EXOC6: variants seen among roughly 807,000 people sequenced by gnomAD.
The protein encoded by EXOC6 is exocyst complex component 6, also known as SEC15-like 1.
Under a neutral mutation model 112.5 loss-of-function variants are expected in EXOC6, and 60 were observed. The observed-to-expected ratio is 0.53, with a 90% confidence interval of 0.43 to 0.66. The LOEUF is 0.66. Ranked by LOEUF, EXOC6 falls within the 30% of genes least tolerant of loss-of-function variation. The probability of loss-of-function intolerance (pLI) is 0.00; values close to 1 mark genes in which losing one functional copy is unlikely to be tolerated. For synonymous variants in EXOC6, 295 were observed against 308.0 expected (o/e 0.96, Z 0.44); for missense variants, 855 against 957.1 (o/e 0.89, Z 1.41).
At chr10:92,958,642 A>G (rs1167902597) in intron 17 of EXOC6, among the ~76,000 whole-genome samples, 1 of 152,214 alleles carries the variant, frequency 6.6e-6, no homozygotes, top group Non-Finnish European at 1.5e-5. Context: ...TACAGATTTA[A>G]TGTATTCCCC....
intron 18 of EXOC6, among the ~76,000 whole-genome samples, chr10:92,985,853 T>C (rs909030800): frequency 6.6e-6 from 1 of 152,176 alleles, no homozygotes; most frequent in African/African-American, 2.4e-5. Flanking sequence ...TTAATAACCC[T>C]TTATTTTATG....
rs574994312 is a variant in EXOC6, at chr10:92,999,724, G to A, written c.2095+2109G>A. 1.6e-3 allele frequency among the ~76,000 whole-genome samples: 217 copies of A among 133,426 alleles called. 1 individual carries two copies. The highest frequency in any genetic ancestry group is 1.8e-3 in the Non-Finnish European group (115 of 63,688). 87.5% of individuals were successfully genotyped at this position (133,426 alleles called of 152,430 possible). A position where few individuals can be genotyped will look rare whatever the true frequency, so the allele number is the denominator to read the frequency against. On this transcript the variant is annotated intron_variant, in intron 19 of 21. Coordinates refer to ENST00000260762, the MANE Select transcript of EXOC6 (RefSeq NM_019053.6). ...TGTGCCTAATTTTTTTTTTTTTTGA[G>A]GCAGGGTCTCGCTGTGTCTCCCAGG...
At chr10:92,949,594 CTTTT>C (rs35310204) in intron 14 of EXOC6, among the ~76,000 whole-genome samples, 1 of 129,348 alleles carries the variant, frequency 7.7e-6, no homozygotes, top group Non-Finnish European at 1.7e-5. Context: ...CTGCTTGTGG[CTTTT>C]TTTTTTTTTT....
chr10:92,927,441 A>G (rs1851784346), intron 8 of EXOC6, among the ~76,000 whole-genome samples: 1 of 152,248 alleles, frequency 6.6e-6, no homozygotes, highest in Non-Finnish European at 1.5e-5. Context: ...TGTGGACCAT[A>G]TTCTAATAGA....
At chr10:92,827,521 A>G (rs1408144593) in intron 1 of EXOC6, among the ~76,000 whole-genome samples, 1 of 138,504 alleles carries the variant, frequency 7.2e-6, no homozygotes, top group Non-Finnish European at 1.6e-5. Flanking sequence ...CATGTTGAGT[A>G]TAATGGAGAG....
At chr10:92,891,084 G>A (rs1317933447) in intron 1 of EXOC6, among the ~76,000 whole-genome samples, 1 of 152,198 alleles carries the variant, frequency 6.6e-6, no homozygotes, top group Non-Finnish European at 1.5e-5. Flanking sequence ...GCTGGAGAAG[G>A]AGAATAGTCA....
intron 4 of EXOC6, among the ~76,000 whole-genome samples, chr10:92,896,179 ATATTTTTTTT>A (rs1849806803): frequency 5.4e-4 from 7 of 13,072 alleles, no homozygotes; most frequent in African/African-American, 1.7e-3. Context: ...ATATATATAT[ATATTTTTTTT>A]TTTTTTTTTT....
At chr10:93,040,058 A>G (rs908157678) in intron 20 of EXOC6, among the ~76,000 whole-genome samples, 1 of 152,072 alleles carries the variant, frequency 6.6e-6, no homozygotes, top group Non-Finnish European at 1.5e-5. Flanking sequence ...TTCCATCTCT[A>G]TCACCATCAA....
chr10:92,896,119 A>ATGTGTGTGTGTG lies in EXOC6; in HGVS notation c.412+1107_412+1118dup, dbSNP rs1198813076. 4.6e-4 allele frequency among the ~76,000 whole-genome samples: 10 copies of ATGTGTGTGTGTG among 21,706 alleles called. 1 individual carries two copies. The highest frequency in any genetic ancestry group is 3.3e-3 in the African/African-American group (10 of 3,058). 14.2% of individuals were successfully genotyped at this position (21,706 alleles called of 152,430 possible). On this transcript the variant is annotated intron_variant, in intron 4 of 21. Transcript: ENST00000260762. Reference sequence around the variant, plus strand: ...TGTGTGTATATATATGTGTATATATATGTGTGTGTGTGTGTGTGTATGTAT... The same window carrying ATGTGTGTGTGTG: ...TGTGTGTATATATATGTGTATATATATGTGTGTGTGTGTGTGTGTGTGTGTGTGTGTATGTAT...
chr10:93,018,197 A>G (rs1013552345), intron 20 of EXOC6, among the ~76,000 whole-genome samples: 1 of 152,100 alleles, frequency 6.6e-6, no homozygotes, highest in South Asian at 2.1e-4. Flanking sequence ...CAAACCAGTT[A>G]TAAAAAAAAG....
intron 19 of EXOC6, among the ~76,000 whole-genome samples, chr10:93,005,338 T>C (rs938677320): frequency 2.0e-5 from 3 of 152,188 alleles, no homozygotes; most frequent in Non-Finnish European, 4.4e-5. Context: ...CATTGAACCT[T>C]TGATCTTAGT....
At chr10:92,946,295 C>CA (rs1432946687) in intron 13 of EXOC6, among the ~76,000 whole-genome samples, 4 of 150,338 alleles carry the variant, frequency 2.7e-5, no homozygotes, top group Non-Finnish European at 3.0e-5. Flanking sequence ...GACTCCGTCT[C>CA]AAAAAAAAGA....
rs140029106 is a variant in EXOC6, at chr10:93,039,308, C to G, written c.2170-17616C>G. Among the ~76,000 whole-genome samples the G allele has an allele frequency of 2.5e-3, 385 of 152,250 alleles. 4 individuals are homozygous for G. Among genetic ancestry groups the G allele is most frequent in the African/African-American group, 8.3e-3 (345 of 41,546 alleles). On this transcript the variant is annotated intron_variant, in intron 20 of 21. Coordinates refer to ENST00000260762, the MANE Select transcript of EXOC6 (RefSeq NM_019053.6). ...CTAGAGTATTTTGCAATGTATATTTCTCTCCTTTTCTTTGAACCCATTTGT... is the reference window on the plus strand; with the variant it reads ...CTAGAGTATTTTGCAATGTATATTTGTCTCCTTTTCTTTGAACCCATTTGT...
chr10:92,926,992 A>G (rs1851760705), intron 8 of EXOC6, among the ~76,000 whole-genome samples: 1 of 152,192 alleles, frequency 6.6e-6, no homozygotes, highest in Non-Finnish European at 1.5e-5. Context: ...TGTGGGGGAC[A>G]TTATAGCTTA....
rs544335179 is a variant in EXOC6 at position 92,935,809 on chromosome 10, C to T, written c.1141-5C>T. ...TTTGTTTTGTTTGTGTGTTTCCACC[C>T]TCAGTCCTATTGCACTGATCCTGAT... On this transcript the variant is annotated splice_region_variant and splice_polypyrimidine_tract_variant and intron_variant, in intron 11 of 21. Transcript: ENST00000260762. The T allele has an allele frequency of 3.1e-5, 49 of 1,597,578 alleles. No individual in the cohort carries two copies. In the South Asian group the frequency reaches 5.4e-4, roughly 18 times the overall value.
chr10:92,983,497 CTTCT>C (rs1462999630), intron 18 of EXOC6, among the ~76,000 whole-genome samples: 80 of 128,620 alleles, frequency 6.2e-4, no homozygotes, highest in Middle Eastern at 4.5e-3. Flanking sequence ...TTTCTTTCTT[CTTCT>C]TTTTTTTTTT....
chr10:92,833,637 T>A (rs2133567484), upstream of EXOC6, among the ~76,000 whole-genome samples: 1 of 152,216 alleles, frequency 6.6e-6, no homozygotes, highest in African/African-American at 2.4e-5. Context: ...ACTACATTTT[T>A]AAGAGAACAA....
intron 20 of EXOC6, among the ~76,000 whole-genome samples, chr10:93,047,671 G>A (rs555287734): frequency 5.3e-5 from 8 of 152,192 alleles, no homozygotes; most frequent in African/African-American, 1.9e-4. Flanking sequence ...AGAGAGGCCA[G>A]GCACGGTGGC....
intron 20 of EXOC6, among the ~76,000 whole-genome samples, chr10:93,049,547 A>G (rs1159145532): frequency 1.3e-5 from 2 of 152,188 alleles, no homozygotes; most frequent in Non-Finnish European, 1.5e-5. Flanking sequence ...CAGTTACAAA[A>G]GACCAGGTAG....
Sources: gnomAD v4.1 joint callset for allele counts (sites outside exome capture counted in the v4.1 genomes callset) on GRCh38, gnomAD v4.1.1 for gene constraint, MANE v1.5 for transcripts, NCBI Gene and HGNC (gene_info 2026-07-23, HGNC 2026-07-21) for gene names.